The following TSHZ2 variants were observed in gnomAD, a reference collection of about 807,000 sequenced individuals.
The protein encoded by TSHZ2 is teashirt homolog 2.
Under a neutral mutation model 74.4 loss-of-function variants are expected in TSHZ2, and 21 were observed. That is an observed-to-expected ratio of 0.28 (90% CI 0.20 to 0.41). TSHZ2 has a LOEUF of 0.41. TSHZ2 is among the 10% of genes least tolerant of loss of function. The pLI is 1.00. For synonymous variants in TSHZ2, 540 were observed against 515.3 expected, an observed-to-expected ratio of 1.05 and a Z score of -0.65; for missense variants, 1,244 against 1,293.5, an observed-to-expected ratio of 0.96 and a Z score of 0.59.
chr20:53,071,484 A>G (rs566539878), intron 1 of TSHZ2, among the ~76,000 whole-genome samples: 1 of 152,248 alleles, frequency 6.6e-6, no homozygotes, highest in Non-Finnish European at 1.5e-5. Context: ...TAAGTTACCC[A>G]AAGAGTCAAA....
intron 2 of TSHZ2, among the ~76,000 whole-genome samples, chr20:53,353,594 T>G (rs1402986400): frequency 6.6e-6 from 1 of 152,216 alleles, no homozygotes; most frequent in Non-Finnish European, 1.5e-5. Context: ...TATATTTAGG[T>G]TGTTTCCAAC....
chr20:53,341,945 AG>A (rs2145569982), intron 2 of TSHZ2, among the ~76,000 whole-genome samples: 1 of 152,308 alleles, frequency 6.6e-6, no homozygotes, highest in South Asian at 2.1e-4. Flanking sequence ...TCCTGAGCTC[AG>A]TTGATCCACC....
intron 1 of TSHZ2, 43 bp downstream of exon 1, chr20:52,973,376 G>T: frequency 6.5e-7 from 1 of 1,548,184 alleles, no homozygotes; most frequent in Non-Finnish European, 8.7e-7. Context: ...TGTGCGCCGA[G>T]CTCCTCGCCC....
At chr20:53,112,476 T>G (rs763358706) in intron 1 of TSHZ2, among the ~76,000 whole-genome samples, 2 of 152,208 alleles carry the variant, frequency 1.3e-5, no homozygotes, top group Non-Finnish European at 2.9e-5. Flanking sequence ...CCAATTACTC[T>G]CAGAATCATA....
chr20:53,133,292 C>T (rs954141351), intron 1 of TSHZ2, among the ~76,000 whole-genome samples: 1 of 152,184 alleles, frequency 6.6e-6, no homozygotes, highest in African/African-American at 2.4e-5. Flanking sequence ...TGTTCCTTGC[C>T]TTTGATGTAC....
chr20:53,004,495 C>T (rs569421022), intron 1 of TSHZ2, among the ~76,000 whole-genome samples: 106 of 152,262 alleles, frequency 7.0e-4, no homozygotes, highest in Non-Finnish European at 1.2e-3. Context: ...GCCACCTCTT[C>T]CTGTCTTTTT....
chr20:53,079,219 G>C (rs1985455487), intron 1 of TSHZ2, among the ~76,000 whole-genome samples: 1 of 152,164 alleles, frequency 6.6e-6, no homozygotes, highest in Non-Finnish European at 1.5e-5. Flanking sequence ...TAAGGTGCAA[G>C]TTGAAAAAAT....
intron 1 of TSHZ2, among the ~76,000 whole-genome samples, chr20:53,129,549 T>C (rs1259731650): frequency 6.6e-6 from 1 of 152,224 alleles, no homozygotes; most frequent in Non-Finnish European, 1.5e-5. Context: ...TAACTATAGA[T>C]AGATACTGTT....
At chr20:53,080,426 T>A (rs770934644) in intron 1 of TSHZ2, among the ~76,000 whole-genome samples, 29 of 152,184 alleles carry the variant, frequency 1.9e-4, no homozygotes, top group Middle Eastern at 3.2e-3. Context: ...ATGCATTGAA[T>A]CCTCTATTAA....
intron 1 of TSHZ2, among the ~76,000 whole-genome samples, chr20:52,979,993 A>G (rs932294056): frequency 1.3e-5 from 2 of 152,298 alleles, no homozygotes; most frequent in East Asian, 3.9e-4. Context: ...TGTGTCATTT[A>G]AAAAACAATT....
intron 2 of TSHZ2, among the ~76,000 whole-genome samples, chr20:53,425,849 C>G (rs1568912090): frequency 2.6e-5 from 4 of 151,724 alleles, no homozygotes; most frequent in Non-Finnish European, 5.9e-5. Context: ...TTCTTAACAC[C>G]TGGGTCATAC....
At chr20:53,280,371 T>A (rs1420761062) in intron 2 of TSHZ2, among the ~76,000 whole-genome samples, 1 of 152,200 alleles carries the variant, frequency 6.6e-6, no homozygotes, top group Non-Finnish European at 1.5e-5. Flanking sequence ...TTACAGCTTA[T>A]AGCATAAAAT....
chr20:53,140,053 T>C (rs1200467351), intron 1 of TSHZ2, among the ~76,000 whole-genome samples: 2 of 152,148 alleles, frequency 1.3e-5, no homozygotes, highest in East Asian at 3.9e-4. Context: ...ACCTACGCTA[T>C]GCAAAGGTAC....
chr20:53,162,889 A>G (rs935376383), intron 1 of TSHZ2, among the ~76,000 whole-genome samples: 3 of 152,252 alleles, frequency 2.0e-5, no homozygotes, highest in Admixed American at 6.5e-5. Flanking sequence ...TTCGTCAGTT[A>G]TAAATATAAC....
intron 2 of TSHZ2, among the ~76,000 whole-genome samples, chr20:53,270,775 T>C (rs540304997): frequency 2.0e-5 from 3 of 152,320 alleles, no homozygotes; most frequent in Admixed American, 6.5e-5. Context: ...ATGGTTTTAT[T>C]TGGTATTTTT....
intron 1 of TSHZ2, among the ~76,000 whole-genome samples, chr20:53,008,496 G>C (rs1253936349): frequency 6.6e-6 from 1 of 151,904 alleles, no homozygotes; most frequent in African/African-American, 2.4e-5. Flanking sequence ...TCAGAAAAGA[G>C]AACTTTGGGG....
intron 2 of TSHZ2, among the ~76,000 whole-genome samples, chr20:53,440,125 T>C (rs539839691): frequency 2.0e-5 from 3 of 149,692 alleles, no homozygotes; most frequent in Non-Finnish European, 4.4e-5. Context: ...AAAAAAAAAA[T>C]GTGATCACTG....
chr20:53,336,787 T>A (rs958643685), intron 2 of TSHZ2, among the ~76,000 whole-genome samples: 1 of 152,196 alleles, frequency 6.6e-6, no homozygotes, highest in Non-Finnish European at 1.5e-5. Flanking sequence ...TCTCTCTATA[T>A]ATATGCATAT....
intron 2 of TSHZ2, among the ~76,000 whole-genome samples, chr20:53,289,870 G>A (rs1991248186): frequency 6.6e-6 from 1 of 152,148 alleles, no homozygotes; most frequent in African/African-American, 2.4e-5. Context: ...GAGTGCAAAA[G>A]ACTATTAATT....
Sources: gnomAD v4.1 joint callset for allele counts (sites outside exome capture counted in the v4.1 genomes callset) on GRCh38, gnomAD v4.1.1 for gene constraint, MANE v1.5 for transcripts, NCBI Gene and HGNC (gene_info 2026-07-23, HGNC 2026-07-21) for gene names.